The following TNFRSF10B variants were observed in gnomAD, a reference collection of about 807,000 sequenced individuals.
TNFRSF10B encodes the protein TNF receptor superfamily member 10b.
In TNFRSF10B, 35 loss-of-function variants were observed where a neutral mutation model predicts 41.4. The observed-to-expected ratio is 0.85, with a 90% confidence interval of 0.65 to 1.12. TNFRSF10B has a LOEUF of 1.12. Ranked by LOEUF, TNFRSF10B falls within the 50% of genes most tolerant of loss-of-function variation. The pLI is 0.00. For synonymous variants in TNFRSF10B, 230 were observed against 215.5 expected, an observed-to-expected ratio of 1.07 and a Z score of -0.59; for missense variants, 584 against 552.7, an observed-to-expected ratio of 1.06 and a Z score of -0.57.
chr8:23,021,165 A>T lies in TNFRSF10B; in HGVS notation c.*1506T>A. The T allele has an allele frequency of 2.2e-6, 1 of 454,166 alleles. No individual in the cohort carries two copies. The highest frequency in any genetic ancestry group is 1.6e-5 in the South Asian group (1 of 64,478). The allele number at this position is 454,166 out of a possible 1,614,324, so 28.1% of individuals were successfully genotyped here. Reference sequence around the variant, plus strand: ...CTATGGAGAAGGGTTTGCTGGAAAGAGGCTGAAATGGTTACTGAGGTCTTA... The same window carrying T: ...CTATGGAGAAGGGTTTGCTGGAAAGTGGCTGAAATGGTTACTGAGGTCTTA... On this transcript the variant is annotated 3_prime_UTR_variant, in exon 9 of 9. Coordinates refer to ENST00000276431, the MANE Select transcript of TNFRSF10B (RefSeq NM_003842.5).
intron 4 of TNFRSF10B, 94 bp downstream of exon 4, chr8:23,029,516 T>G (rs536451040): frequency 2.4e-6 from 3 of 1,248,062 alleles, no homozygotes; most frequent in Admixed American, 4.0e-5. Context: ...GGATGCCCCT[T>G]GCGGGTGCTG....
intron 1 of TNFRSF10B, among the ~76,000 whole-genome samples, chr8:23,044,337 T>G (rs1181879518): frequency 6.6e-6 from 1 of 152,132 alleles, no homozygotes; most frequent in Non-Finnish European, 1.5e-5. Flanking sequence ...TATGTAAAAA[T>G]TAAAAACTTT....
intron 1 of TNFRSF10B, among the ~76,000 whole-genome samples, chr8:23,062,316 G>A (rs1812855089): frequency 6.6e-6 from 1 of 152,146 alleles, no homozygotes; most frequent in Admixed American, 6.5e-5. Context: ...CATCTCCGGG[G>A]CTCAAGTGAT....
At chr8:23,033,504 G>A (rs535160808) in intron 2 of TNFRSF10B, among the ~76,000 whole-genome samples, 96 of 143,434 alleles carry the variant, frequency 6.7e-4, no homozygotes, top group Middle Eastern at 8.2e-3. Context: ...GGAGAATGGC[G>A]TGAAACCCAG....
At chr8:23,038,132 C>T (rs117314730) in intron 2 of TNFRSF10B, among the ~76,000 whole-genome samples, 1 of 152,336 alleles carries the variant, frequency 6.6e-6, no homozygotes, top group Non-Finnish European at 1.5e-5. Context: ...GAAAATTGGA[C>T]TGTTATTCCA....
chr8:23,025,797 C>A lies in TNFRSF10B; in HGVS notation c.936+1336G>T, dbSNP rs370638737. On this transcript the variant is annotated intron_variant, in intron 7 of 8. Transcript: ENST00000276431. ...ACCTGCTTTCAAAAAATGATCAGGC[C>A]AGGCATGGTGGCTCATGCTTGTAAT... Among the ~76,000 whole-genome samples the A allele has an allele frequency of 5.6e-4, 86 of 152,220 alleles. No homozygotes were observed. The East Asian group carries it at 0.012, about 21-fold the overall frequency.
At chr8:23,040,036 C>A (rs1364823726) in intron 2 of TNFRSF10B, among the ~76,000 whole-genome samples, 3 of 151,590 alleles carry the variant, frequency 2.0e-5, no homozygotes, top group Admixed American at 1.3e-4. Flanking sequence ...TGCTAAAAAT[C>A]AAAAATTATC....
intron 1 of TNFRSF10B, among the ~76,000 whole-genome samples, chr8:23,045,824 G>A (rs534698207): frequency 2.6e-4 from 39 of 152,114 alleles, no homozygotes; most frequent in Non-Finnish European, 4.4e-4. Context: ...TTAACAAAAT[G>A]CAGGACAAAA....
At chr8:23,034,561 T>TAA in intron 2 of TNFRSF10B, among the ~76,000 whole-genome samples, 1 of 152,288 alleles carries the variant, frequency 6.6e-6, no homozygotes, top group Middle Eastern at 3.4e-3. Flanking sequence ...ACTCCATCTG[T>TAA]ACACACACAT....
At chr8:23,067,598 G>T (rs375384206) in intron 1 of TNFRSF10B, among the ~76,000 whole-genome samples, 1 of 152,168 alleles carries the variant, frequency 6.6e-6, no homozygotes, top group African/African-American at 2.4e-5. Flanking sequence ...ACAGCAGGAG[G>T]GGGAGGCAGA....
chr8:23,029,638 G>C lies in TNFRSF10B; in HGVS notation c.448C>G (p.Pro150Ala). ...EEGTFREEDS[P>A]EMCRKCRTGC... ...GTGCGGCACTTCCGGCACATCTCAG[G>C]AGAATCTTCTTCCCGGAAGGTGCCT... Residue 150 changes from proline (P) to alanine (A), a missense_variant, in exon 4 of 9, where the codon CCT (proline) becomes GCT (alanine). By Grantham distance (27) the Pro-to-Ala change is conservative. Coordinates refer to ENST00000276431, the MANE Select transcript of TNFRSF10B (RefSeq NM_003842.5). 6.2e-7 allele frequency: 1 copy of C among 1,613,076 alleles called. No individual in the cohort carries two copies. Among genetic ancestry groups the C allele is most frequent in the Non-Finnish European group, 8.5e-7 (1 of 1,179,646 alleles).
chr8:23,025,815 C>T (rs1811685536), intron 7 of TNFRSF10B, among the ~76,000 whole-genome samples: 1 of 152,196 alleles, frequency 6.6e-6, no homozygotes, highest in South Asian at 2.1e-4. Context: ...GTGGCTCATG[C>T]TTGTAATCCC....
intron 1 of TNFRSF10B, among the ~76,000 whole-genome samples, chr8:23,067,285 CT>C (rs985083217): frequency 1.3e-4 from 20 of 151,988 alleles, no homozygotes; most frequent in Non-Finnish European, 2.4e-4. Context: ...GCTGTTGTGG[CT>C]TTCTTTACAG....
At chr8:23,043,436 C>T (rs1001793) in intron 1 of TNFRSF10B, among the ~76,000 whole-genome samples, 193 bp from the exon 2 acceptor site, 62,599 of 152,022 alleles carry the variant, frequency 0.41, 15,624 homozygotes, top group African/African-American at 0.7. Flanking sequence ...TAACATACAC[C>T]TGCAAAACTC....
intron 2 of TNFRSF10B, among the ~76,000 whole-genome samples, chr8:23,038,279 C>G (rs1251580796): frequency 1.3e-5 from 2 of 152,132 alleles, no homozygotes; most frequent in Non-Finnish European, 2.9e-5. Context: ...TAGCTCAGAC[C>G]CTTCAGGAAT....
Position 23,028,619 on chromosome 8 carries a change from A to C in TNFRSF10B, c.477-17T>G. On this transcript the variant is annotated splice_polypyrimidine_tract_variant and intron_variant, in intron 4 of 8. Transcript: ENST00000276431. ...CTGGGACACCTGGGTACACACACAG[A>C]GGGAGAGGGGGGACTCTTGATGGAA... The C allele has an allele frequency of 6.2e-7, 1 of 1,613,830 alleles. No individual in the cohort carries two copies. The highest frequency in any genetic ancestry group is 1.7e-4 in the Middle Eastern group (1 of 5,984).
intron 1 of TNFRSF10B, among the ~76,000 whole-genome samples, chr8:23,064,242 C>T (rs1210245733): frequency 6.6e-6 from 1 of 152,148 alleles, no homozygotes; most frequent in Non-Finnish European, 1.5e-5. Context: ...AGAGTGCACA[C>T]AGACAGAATC....
At chr8:23,038,759 T>C (rs1419651792) in intron 2 of TNFRSF10B, among the ~76,000 whole-genome samples, 2 of 152,172 alleles carry the variant, frequency 1.3e-5, no homozygotes, top group Non-Finnish European at 1.5e-5. Flanking sequence ...GGAGATCAAG[T>C]ATGGTTTAAA....
At chr8:23,045,294 A>G (rs970862893) in intron 1 of TNFRSF10B, among the ~76,000 whole-genome samples, 1 of 152,176 alleles carries the variant, frequency 6.6e-6, no homozygotes, top group Non-Finnish European at 1.5e-5. Flanking sequence ...TCATATGAAA[A>G]TATTATGAAC....
Sources: allele counts gnomAD v4.1 joint callset (sites outside exome capture counted in the v4.1 genomes callset), GRCh38; gene constraint gnomAD v4.1.1; transcripts MANE v1.5; gene names NCBI Gene and HGNC (gene_info 2026-07-23, HGNC 2026-07-21).